The following KCNJ6 variants were observed in gnomAD, a reference collection of about 807,000 sequenced individuals.
KCNJ6 encodes potassium inwardly rectifying channel subfamily J member 6.
A neutral mutation model predicts 34.2 loss-of-function variants in KCNJ6; 9 were observed. The observed-to-expected ratio is 0.26, with a 90% confidence interval of 0.16 to 0.46. The LOEUF is 0.46. Ranked by LOEUF, KCNJ6 falls within the 20% of genes least tolerant of loss-of-function variation. KCNJ6 has a pLI of 1.00. For missense variants in KCNJ6, 236 were observed against 531.3 expected (o/e 0.44, Z 5.46); for synonymous variants, 196 against 207.1 (o/e 0.95, Z 0.46).
rs1203523701 is a variant in KCNJ6, at chr21:37,915,467, CAAG to C, written c.-28+414_-28+416del. 7.2e-5 allele frequency among the ~76,000 whole-genome samples: 11 copies of C among 152,296 alleles called. No homozygotes were observed. The South Asian group carries it at 1.4e-3, about 20-fold the overall frequency. On this transcript the variant is annotated intron_variant, in intron 1 of 3. Coordinates refer to ENST00000609713, the MANE Select transcript of KCNJ6 (RefSeq NM_002240.5). ...CCTCTCCTCTCCATGCAAAGCAGAACAAGAAGACTGCCTTCCACAAAGACAATA... is the reference window on the plus strand; with the variant it reads ...CCTCTCCTCTCCATGCAAAGCAGAACAAGACTGCCTTCCACAAAGACAATA...
chr21:37,688,759 G>GGTT (rs757532935), intron 3 of KCNJ6, among the ~76,000 whole-genome samples: 1 of 152,120 alleles, frequency 6.6e-6, no homozygotes, highest in Admixed American at 6.5e-5. Context: ...CTTCCATGAT[G>GGTT]GTTGGTTGGA....
intron 3 of KCNJ6, among the ~76,000 whole-genome samples, chr21:37,666,678 G>T (rs1258851131): frequency 6.6e-6 from 1 of 151,988 alleles, no homozygotes; most frequent in South Asian, 2.1e-4. Context: ...TCGAGAACGG[G>T]CCATGATGAC....
rs763664099 is a variant in KCNJ6 at position 37,794,896 on chromosome 21, GA to G, written c.25+45761del. On this transcript the variant is annotated intron_variant, in intron 2 of 3. Transcript: ENST00000609713. ...CTAGAACTTAAAGTAAAATAAAAAA[GA>G]AAAAAAATAGAAAAAGAAAAAAAAA... 4.4e-4 allele frequency among the ~76,000 whole-genome samples: 66 copies of G among 148,352 alleles called. 2 individuals carry two copies. Among genetic ancestry groups the G allele is most frequent in the South Asian group, 1.3e-3 (6 of 4,624 alleles).
At chr21:37,876,928 A>C (rs2055681458) in intron 1 of KCNJ6, among the ~76,000 whole-genome samples, 2 of 152,234 alleles carry the variant, frequency 1.3e-5, no homozygotes, top group Admixed American at 1.3e-4. Flanking sequence ...CAAAGAGTGA[A>C]GAGTCCCCTG....
intron 2 of KCNJ6, among the ~76,000 whole-genome samples, chr21:37,744,079 G>T (rs985127490): frequency 2.1e-5 from 3 of 145,216 alleles, no homozygotes. Flanking sequence ...ACCAAACACC[G>T]CATGTTCTCA....
rs574258745 is a variant in KCNJ6, at chr21:37,688,380, T to A, written c.946+25831A>T. Among the ~76,000 whole-genome samples, 1,470 of 151,406 alleles carry A rather than the reference T, an allele frequency of 9.7e-3. 12 individuals carry two copies. The highest frequency in any genetic ancestry group is 0.032 in the African/African-American group (1,334 of 41,248). ...CCGTATTTTAAAAGCATTTTTTTTTTAAAAAATCTACTACATTCTAGATTC... is the reference window on the plus strand; with the variant it reads ...CCGTATTTTAAAAGCATTTTTTTTTAAAAAAATCTACTACATTCTAGATTC... On this transcript the variant is annotated intron_variant, in intron 3 of 3. Coordinates refer to ENST00000609713, the MANE Select transcript of KCNJ6 (RefSeq NM_002240.5).
At chr21:37,817,324 C>A (rs1219045921) in intron 2 of KCNJ6, among the ~76,000 whole-genome samples, 2 of 152,128 alleles carry the variant, frequency 1.3e-5, no homozygotes, top group Non-Finnish European at 2.9e-5. Context: ...TCCTCCTGCA[C>A]AGCACAAGGA....
intron 2 of KCNJ6, among the ~76,000 whole-genome samples, chr21:37,781,273 C>A (rs1422099718): frequency 6.6e-6 from 1 of 152,190 alleles, no homozygotes; most frequent in Non-Finnish European, 1.5e-5. Context: ...TATGAGCTGC[C>A]TCGATTGTGT....
chr21:37,645,092 A>G (rs1452257428), intron 3 of KCNJ6, among the ~76,000 whole-genome samples: 1 of 151,886 alleles, frequency 6.6e-6, no homozygotes, highest in African/African-American at 2.4e-5. Context: ...TTTTAAAACA[A>G]GGCTGGGTAT....
chr21:37,784,204 C>A (rs951336205), intron 2 of KCNJ6, among the ~76,000 whole-genome samples: 1 of 152,186 alleles, frequency 6.6e-6, no homozygotes, highest in Non-Finnish European at 1.5e-5. Flanking sequence ...ACTACTCACT[C>A]AATAGGGCAC....
chr21:37,626,317 A>G (rs1271881052), intron 3 of KCNJ6, among the ~76,000 whole-genome samples: 4 of 152,056 alleles, frequency 2.6e-5, no homozygotes, highest in Non-Finnish European at 5.9e-5. Flanking sequence ...GTATTTTAGT[A>G]GAGACGGAGT....
chr21:37,914,762 A>G (rs2055884947), intron 1 of KCNJ6, among the ~76,000 whole-genome samples: 1 of 152,002 alleles, frequency 6.6e-6, no homozygotes, highest in African/African-American at 2.4e-5. Flanking sequence ...TTTTTTCAGC[A>G]AAAGAAAGGC....
chr21:37,768,530 G>A (rs1455333648), intron 2 of KCNJ6, among the ~76,000 whole-genome samples: 3 of 152,146 alleles, frequency 2.0e-5, no homozygotes, highest in Non-Finnish European at 4.4e-5. Context: ...GGATGACACT[G>A]GATGTTCATA....
chr21:37,882,259 G>A (rs1376131110), intron 1 of KCNJ6, among the ~76,000 whole-genome samples: 1 of 152,238 alleles, frequency 6.6e-6, no homozygotes, highest in East Asian at 1.9e-4. Context: ...TGGGTTGACA[G>A]ATGAGCGTGC....
chr21:37,754,620 C>G (rs956402510), intron 2 of KCNJ6, among the ~76,000 whole-genome samples: 10 of 152,170 alleles, frequency 6.6e-5, no homozygotes, highest in Non-Finnish European at 7.3e-5. Flanking sequence ...ATGGACTTAC[C>G]TGTAAGAAGG....
At chr21:37,908,236 T>C (rs184423784) in intron 1 of KCNJ6, among the ~76,000 whole-genome samples, 173 of 152,368 alleles carry the variant, frequency 1.1e-3, no homozygotes, top group African/African-American at 4.0e-3. Context: ...TATTTCTCCC[T>C]GACATTTCTC....
chr21:37,801,739 T>TTA lies in KCNJ6; in HGVS notation c.25+38918_25+38919insTA, dbSNP rs1555845568. ...TCCTAGGCAGCACTGTGATTTTTTT[T>TTA]AAAAAATCATCCTTATTGAAGTGGA... On this transcript the variant is annotated intron_variant, in intron 2 of 3. Coordinates refer to ENST00000609713, the MANE Select transcript of KCNJ6 (RefSeq NM_002240.5). Among the ~76,000 whole-genome samples the TTA allele has an allele frequency of 5.9e-5, 9 of 151,738 alleles. No homozygotes were observed. The East Asian group carries it at 9.7e-4, about 16-fold the overall frequency.
intron 2 of KCNJ6, among the ~76,000 whole-genome samples, chr21:37,772,392 G>A (rs1375570416): frequency 1.3e-5 from 2 of 151,974 alleles, no homozygotes; most frequent in Admixed American, 6.6e-5. Context: ...ATATTTAACA[G>A]TAGAAATTTA....
chr21:37,651,318 C>G (rs573857839), intron 3 of KCNJ6, among the ~76,000 whole-genome samples: 1 of 152,140 alleles, frequency 6.6e-6, no homozygotes, highest in African/African-American at 2.4e-5. Flanking sequence ...GTAGGCCTGT[C>G]GGCCACATCA....
Sources: gnomAD v4.1 joint callset for allele counts (sites outside exome capture counted in the v4.1 genomes callset) on GRCh38, gnomAD v4.1.1 for gene constraint, MANE v1.5 for transcripts, NCBI Gene and HGNC (gene_info 2026-07-23, HGNC 2026-07-21) for gene names.